The following A2ML1 variants were observed in gnomAD, a reference collection of about 807,000 sequenced individuals.
The protein encoded by A2ML1 is alpha-2-macroglobulin like 1, also known as alpha-2-macroglobulin-like protein 1.
Under a neutral mutation model 181.9 loss-of-function variants are expected in A2ML1, and 161 were observed. That is an observed-to-expected ratio of 0.89 (90% CI 0.78 to 1.01). A2ML1 has a LOEUF of 1.01. Among genes scored for constraint, A2ML1 ranks in the 50% least tolerant of loss-of-function variants. The pLI is 0.00. For missense variants in A2ML1, 1,670 were observed against 1,768.1 expected (o/e 0.94, Z 1.00); for synonymous variants, 663 against 666.8 (o/e 0.99, Z 0.09).
chr12:8,845,778 A>G (rs1242759814), intron 13 of A2ML1, among the ~76,000 whole-genome samples: 1 of 151,116 alleles, frequency 6.6e-6, no homozygotes, highest in East Asian at 1.9e-4. Context: ...TGAACCCGGG[A>G]GGCGGAGCTT....
At chr12:8,843,721 CTTT>C (rs756360339) in intron 12 of A2ML1, among the ~76,000 whole-genome samples, 3 of 133,590 alleles carry the variant, frequency 2.2e-5, no homozygotes, top group Admixed American at 7.8e-5. Context: ...CTTTTTTTTT[CTTT>C]TTTTTTTTTT....
At chr12:8,845,110 T>G in intron 12 of A2ML1, 1 of 1,454,168 alleles carries the variant, frequency 6.9e-7, no homozygotes, top group Non-Finnish European at 9.0e-7. Context: ...GCTGACTTTC[T>G]GTTACAAAGA....
At chr12:8,858,263 C>T in intron 26 of A2ML1, 161 bp downstream of exon 26, 1 of 830,512 alleles carries the variant, frequency 1.2e-6, no homozygotes, top group East Asian at 2.7e-5. Context: ...TGGTCTGGGC[C>T]TCAGTTTTCA....
chr12:8,854,384 C>A, intron 21 of A2ML1, 135 bp downstream of exon 21: 1 of 1,372,028 alleles, frequency 7.3e-7, no homozygotes, highest in Non-Finnish European at 9.7e-7. Context: ...TCCCTGGCCC[C>A]TTGAACATTT....
At chr12:8,870,780 G>C (rs1424726826) in intron 33 of A2ML1, among the ~76,000 whole-genome samples, 1 of 152,168 alleles carries the variant, frequency 6.6e-6, no homozygotes, top group African/African-American at 2.4e-5. Flanking sequence ...TGTCTAGGGT[G>C]GGAGCAGAAC....
intron 3 of A2ML1, 43 bp from the exon 4 acceptor site, chr12:8,829,684 C>G (rs955383182): frequency 2.1e-5 from 33 of 1,550,868 alleles, no homozygotes; most frequent in Non-Finnish European, 2.9e-5. Flanking sequence ...AAATTCTGAG[C>G]CAGGAAACAT....
chr12:8,828,321 C>T (rs987659930), intron 3 of A2ML1, among the ~76,000 whole-genome samples: 3 of 152,166 alleles, frequency 2.0e-5, no homozygotes, highest in Non-Finnish European at 4.4e-5. Flanking sequence ...AGCCATAAGA[C>T]AAAGTCCTTC....
intron 32 of A2ML1, 152 bp from the exon 33 acceptor site, chr12:8,868,983 A>G: frequency 1.4e-6 from 1 of 722,728 alleles, no homozygotes; most frequent in African/African-American, 1.8e-5. Flanking sequence ...GTTGTAGCAG[A>G]TATATGACAT....
chr12:8,844,889 C>A, intron 12 of A2ML1: 1 of 838,428 alleles, frequency 1.2e-6, no homozygotes, highest in Non-Finnish European at 1.6e-6. Context: ...ACCTTGGAGC[C>A]CTGCAGGAGC....
At chr12:8,850,054 T>C in intron 17 of A2ML1, 106 bp from the exon 18 acceptor site, 4 of 877,256 alleles carry the variant, frequency 4.6e-6, no homozygotes, top group Non-Finnish European at 7.1e-6. Context: ...GACTGGATGT[T>C]CTCTGCTTCC....
At chr12:8,849,992 C>T (rs1463738910) in intron 17 of A2ML1, among the ~76,000 whole-genome samples, 168 bp from the exon 18 acceptor site, 3 of 152,198 alleles carry the variant, frequency 2.0e-5, no homozygotes, top group Non-Finnish European at 2.9e-5. Context: ...TCACTTCCCT[C>T]GATGGCCTTT....
In A2ML1 at chr12:8,841,402, A is replaced by T; in HGVS notation, c.1114A>T (p.Lys372Ter). The T allele has an allele frequency of 5.0e-6, 8 of 1,614,160 alleles. No individual in the cohort carries two copies. Among genetic ancestry groups the T allele is most frequent in the Non-Finnish European group, 6.8e-6 (8 of 1,180,036 alleles). Residue 372 changes from lysine (K) to a stop codon, truncating the protein, a stop_gained, in exon 11 of 36, where the codon AAG becomes TAG. Coordinates refer to ENST00000299698, the MANE Select transcript of A2ML1 (RefSeq NM_144670.6). LOFTEE classifies it high-confidence loss of function. Reference sequence around the variant, plus strand: ...TAGGGGCCATGATGACTCCTTCCTCAAGAACCATCTAGTGTTTCTGGTGAT... The same window carrying T: ...TAGGGGCCATGATGACTCCTTCCTCTAGAACCATCTAGTGTTTCTGGTGAT... ...RVRGHDDSFL[K>*]NHLVFLVIYG... is the part of the protein sequence containing the mutation.
chr12:8,850,284 G>T lies in A2ML1; in HGVS notation c.2234+10G>T. 2.5e-6 allele frequency: 4 copies of T among 1,599,832 alleles called. No homozygotes were observed. In the South Asian group the frequency reaches 3.4e-5, roughly 13 times the overall value. On this transcript the variant is annotated intron_variant, in intron 18 of 35. Coordinates refer to ENST00000299698, the MANE Select transcript of A2ML1 (RefSeq NM_144670.6). ...ATCTGTTTCCTATTGGGTAAGTGAT[G>T]ACTCAAAAGTACAGTAAAGGGCCAG... is the stretch of plus-strand genomic sequence containing the variant.
In A2ML1 at chr12:8,849,659, T is replaced by A. The variant is rs2136866469; in HGVS notation, c.2029-10T>A. On this transcript the variant is annotated splice_polypyrimidine_tract_variant and intron_variant, in intron 16 of 35. Coordinates refer to ENST00000299698, the MANE Select transcript of A2ML1 (RefSeq NM_144670.6). ...ACCACCTTAATACTTATTTCTCTGA[T>A]GCCTATCAGGACGTGGGCCTGAAAA... is the stretch of plus-strand genomic sequence containing the variant. 1 of 1,612,830 alleles carries A rather than the reference T, an allele frequency of 6.2e-7. No individual in the cohort carries two copies. The highest frequency in any genetic ancestry group is 8.5e-7 in the Non-Finnish European group (1 of 1,178,834).
At chr12:8,886,007 A>C (rs1944917932) in intron 7 of A2ML1, among the ~76,000 whole-genome samples, 1 of 64,686 alleles carries the variant, frequency 1.5e-5, no homozygotes, top group Non-Finnish European at 3.3e-5. Flanking sequence ...CTTCAACAAT[A>C]TCTCACACAC....
Position 8,835,632 on chromosome 12 carries a change from C to T in A2ML1, c.609C>T (p.Gly203=), listed in dbSNP as rs762349136. Residue 203 remains glycine (G), a synonymous_variant, in exon 6 of 36, where the codon GGC becomes GGT. Coordinates refer to ENST00000299698, the MANE Select transcript of A2ML1 (RefSeq NM_144670.6). ...LGTYTVAVAE[G]KTFGTFSVEE... is the part of the protein sequence containing the mutation. Reference sequence around the variant, plus strand: ...CCTACACTGTGGCAGTGGCTGAGGGCAAGACCTTTGGTACTTTCAGTGTGG... The same window carrying T: ...CCTACACTGTGGCAGTGGCTGAGGGTAAGACCTTTGGTACTTTCAGTGTGG... 1.2e-6 allele frequency: 2 copies of T among 1,614,148 alleles called. No individual in the cohort carries two copies. The highest frequency in any genetic ancestry group is 2.2e-5 in the East Asian group (1 of 44,892).
At chr12:8,828,869 G>T (rs1036447678) in intron 3 of A2ML1, among the ~76,000 whole-genome samples, 3 of 152,184 alleles carry the variant, frequency 2.0e-5, no homozygotes, top group Non-Finnish European at 4.4e-5. Flanking sequence ...TGGTCTAAAT[G>T]CTCCCTCCAT....
At chr12:8,855,638 A>G (rs1246479606) in intron 23 of A2ML1, 46 bp downstream of exon 23, 2 of 1,590,970 alleles carry the variant, frequency 1.3e-6, no homozygotes, top group Admixed American at 1.7e-5. Flanking sequence ...AGGCGAATGG[A>G]GGCTGCAAAG....
Position 8,857,241 on chromosome 12 carries a change from G to T in A2ML1, c.2926G>T (p.Val976Phe). Reference sequence around the variant, plus strand: ...CAGTGGCTGTGGCGAGCAGAACATGGTCTTGTTTGCTCCCATCATCTATGT... The same window carrying T: ...CAGTGGCTGTGGCGAGCAGAACATGTTCTTGTTTGCTCCCATCATCTATGT... ...MPSGCGEQNM[V>F]LFAPIIYVLQ... Residue 976 changes from valine to phenylalanine, a missense_variant, in exon 24 of 36, where the codon GTC becomes TTC. Physicochemically the swap from Val to Phe is conservative, Grantham distance 50. Transcript: ENST00000299698. 2.5e-6 allele frequency: 4 copies of T among 1,613,448 alleles called. No individual in the cohort carries two copies. Among genetic ancestry groups the T allele is most frequent in the Non-Finnish European group, 8.5e-7 (1 of 1,179,998 alleles).
Sources: gnomAD v4.1 joint callset for allele counts (sites outside exome capture counted in the v4.1 genomes callset) on GRCh38, gnomAD v4.1.1 for gene constraint, MANE v1.5 for transcripts, NCBI Gene and HGNC (gene_info 2026-07-23, HGNC 2026-07-21) for gene names.